DMTF1: variants seen among roughly 807,000 people sequenced by gnomAD.
DMTF1 encodes cyclin D binding myb like transcription factor 1.
In DMTF1, 39 loss-of-function variants were observed where a neutral mutation model predicts 91.1. The ratio of observed to expected loss-of-function variants is 0.43; its 90% CI spans 0.33 to 0.56. The LOEUF (loss-of-function observed/expected upper bound fraction) is 0.56. Among genes scored for constraint, DMTF1 ranks in the 20% least tolerant of loss-of-function variants. DMTF1 has a pLI of 0.05. For synonymous variants in DMTF1, 338 were observed against 309.5 expected, an observed-to-expected ratio of 1.09 and a Z score of -0.97; for missense variants, 750 against 914.5, an observed-to-expected ratio of 0.82 and a Z score of 2.32.
Position 87,194,020 on chromosome 7 carries a change from TCAGAA to T in DMTF1, c.1952_1956del (p.Thr651ArgfsTer5). The stretch of plus-strand genomic sequence containing the variant: ...ACAGAACTGATGAATAGTGTTATGG[TCAGAA>T]CAGAAGAAGAAATCTCTGACACCGA... On this transcript the variant is annotated frameshift_variant, in exon 16 of 18. Coordinates refer to ENST00000331242, the MANE Select transcript of DMTF1 (RefSeq NM_001142327.2). LOFTEE classifies it high-confidence loss of function. 6.2e-7 allele frequency: 1 copy of T among 1,613,168 alleles called. No homozygotes were observed. The highest frequency in any genetic ancestry group is 8.5e-7 in the Non-Finnish European group (1 of 1,179,540).
intron 1 of DMTF1, chr7:87,163,131 T>C (rs909866341): frequency 6.6e-6 from 1 of 152,010 alleles, no homozygotes; most frequent in African/African-American, 2.4e-5. Context: ...TAATAATATT[T>C]ATGGTGCTGT....
chr7:87,179,291 T>C (rs758171666), intron 7 of DMTF1, among the ~76,000 whole-genome samples: 1 of 152,260 alleles, frequency 6.6e-6, no homozygotes, highest in East Asian at 1.9e-4. Flanking sequence ...TTTTTAACTT[T>C]TTATAATTTT....
At position 87,185,775 on chromosome 7, in the gene DMTF1, G is replaced by C. The variant is rs973430828; in HGVS notation, c.1050-54G>C. ...GCAATTACCTGTAGTCAGAGGAGGGGTTCTTATAGAGAAATTAATTTAATG... is the reference window on the plus strand; with the variant it reads ...GCAATTACCTGTAGTCAGAGGAGGGCTTCTTATAGAGAAATTAATTTAATG... On this transcript the variant is annotated intron_variant, in intron 11 of 17. Transcript: ENST00000331242. 3.1e-6 allele frequency: 5 copies of C among 1,598,866 alleles called. No homozygotes were observed. The African/African-American group carries it at 6.7e-5, about 21-fold the overall frequency.
chr7:87,179,612 A>T lies in DMTF1; in HGVS notation c.587A>T (p.Tyr196Phe), dbSNP rs1225141270. ...EMSKDERKDF[Y>F]RTIAWGLNRP... The stretch of plus-strand genomic sequence containing the variant: ...TCAAAAGACGAAAGAAAAGATTTCT[A>T]CAGGACTATAGCATGGGGTCTGAAC... Residue 196 changes from tyrosine to phenylalanine, a missense_variant, in exon 8 of 18, where the codon TAC becomes TTC. Around this residue, in one of 3 missense-constraint regions of DMTF1, gnomAD observed 190 missense variants for 343.8 expected, o/e 0.55. Coordinates refer to ENST00000331242, the MANE Select transcript of DMTF1 (RefSeq NM_001142327.2). The T allele has an allele frequency of 6.4e-7, 1 of 1,573,532 alleles. No homozygotes were observed. The highest frequency in any genetic ancestry group is 8.6e-7 in the Non-Finnish European group (1 of 1,166,994).
At chr7:87,158,747 GTATTT>G (rs1465251436) in intron 1 of DMTF1, among the ~76,000 whole-genome samples, 1 of 151,944 alleles carries the variant, frequency 6.6e-6, no homozygotes, top group Non-Finnish European at 1.5e-5. Flanking sequence ...ACATTTCACT[GTATTT>G]CATTTTATAC....
At chr7:87,187,876 A>G (rs1798816731) in intron 12 of DMTF1, 1 of 555,868 alleles carries the variant, frequency 1.8e-6, no homozygotes. Context: ...AGATGGCAAG[A>G]ATAACAATAT....
At chr7:87,172,321 T>TA (rs1795257804) in intron 5 of DMTF1, among the ~76,000 whole-genome samples, 1 of 152,216 alleles carries the variant, frequency 6.6e-6, no homozygotes, top group Non-Finnish European at 1.5e-5. Context: ...CTATAAAACT[T>TA]ATTCACACTT....
In DMTF1 at chr7:87,194,720, C is replaced by G; in HGVS notation, c.2065C>G (p.Gln689Glu). ...TCCCACTATAGAAGAACAAGTTGAT[C>G]AAACAATTGATGATGAAACAATACT... ...ESPTIEEQVD[Q>E]TIDDETILIV... Residue 689 changes from glutamine (Q) to glutamate (E), a missense_variant, in exon 17 of 18, where the codon CAA (glutamine) becomes GAA (glutamate). Around this residue, in one of 3 missense-constraint regions of DMTF1, gnomAD observed 410 missense variants for 420.2 expected, o/e 0.98. Coordinates refer to ENST00000331242, the MANE Select transcript of DMTF1 (RefSeq NM_001142327.2). 1 of 1,610,400 alleles carries G rather than the reference C, an allele frequency of 6.2e-7. No individual in the cohort carries two copies. Among genetic ancestry groups the G allele is most frequent in the South Asian group, 1.1e-5 (1 of 90,920 alleles).
intron 11 of DMTF1, 60 bp downstream of exon 11, chr7:87,184,685 G>GA: frequency 6.8e-7 from 1 of 1,461,362 alleles, no homozygotes; most frequent in East Asian, 2.3e-5. Context: ...TGTCTTGATA[G>GA]ACTTTCCTCT....
chr7:87,164,417 T>A (rs1482331877), intron 2 of DMTF1: 1 of 152,228 alleles, frequency 6.6e-6, no homozygotes, highest in East Asian at 1.9e-4. Context: ...TGGTCAGTGA[T>A]GGATGTATGC....
At position 87,194,228 on chromosome 7, in the gene DMTF1, T is replaced by C. The variant is rs1800609558; in HGVS notation, c.2028+126T>C. 3.8e-6 allele frequency: 4 copies of C among 1,060,810 alleles called. No individual in the cohort carries two copies. The East Asian group carries it at 1.0e-4, about 27-fold the overall frequency. 65.7% of individuals were successfully genotyped at this position (1,060,810 alleles called of 1,614,324 possible). On this transcript the variant is annotated intron_variant, in intron 16 of 17. Coordinates refer to ENST00000331242, the MANE Select transcript of DMTF1 (RefSeq NM_001142327.2). ...ACCCCCAACCTCACACCTCACAAAGTGTTGTCACTGGCAGAAATGGGCAGG... is the reference window on the plus strand; with the variant it reads ...ACCCCCAACCTCACACCTCACAAAGCGTTGTCACTGGCAGAAATGGGCAGG...
rs994597740 is a variant in DMTF1, at chr7:87,153,645, G to T, written c.-132+1090G>T. On this transcript the variant is annotated intron_variant, in intron 1 of 17. Coordinates refer to ENST00000331242, the MANE Select transcript of DMTF1 (RefSeq NM_001142327.2). Reference sequence around the variant, plus strand: ...TTGTGTACCTCTTTTTAATGTACATGGATTTGATTATGTGTGCCTCCTTTC... The same window carrying T: ...TTGTGTACCTCTTTTTAATGTACATTGATTTGATTATGTGTGCCTCCTTTC... Among the ~76,000 whole-genome samples, 4 of 152,100 alleles carry T rather than the reference G, an allele frequency of 2.6e-5. No homozygotes were observed. In the South Asian group the frequency reaches 8.3e-4, roughly 31 times the overall value.
At chr7:87,159,014 TA>T (rs1398476238) in intron 1 of DMTF1, among the ~76,000 whole-genome samples, 7 of 152,270 alleles carry the variant, frequency 4.6e-5, no homozygotes, top group South Asian at 2.1e-4. Context: ...CCTGTTCTTT[TA>T]AAAAACAAGA....
At chr7:87,168,593 C>G (rs1160632753) in intron 4 of DMTF1, among the ~76,000 whole-genome samples, 1 of 152,190 alleles carries the variant, frequency 6.6e-6, no homozygotes, top group Non-Finnish European at 1.5e-5. Context: ...TAATCACTGT[C>G]TTGCATTCAC....
In DMTF1 at chr7:87,184,517, G is replaced by T. The variant is rs747796901; in HGVS notation, c.941G>T (p.Gly314Val). 22 of 1,614,012 alleles carry T rather than the reference G, an allele frequency of 1.4e-5. No homozygotes were observed. In the South Asian group the frequency reaches 2.2e-4, roughly 16 times the overall value. Residue 314 changes from glycine (G) to valine (V), a missense_variant, in exon 11 of 18, where the codon GGT becomes GTT. Physicochemically the swap from Gly to Val is moderately radical, Grantham distance 109. Coordinates refer to ENST00000331242, the MANE Select transcript of DMTF1 (RefSeq NM_001142327.2). Reference sequence around the variant, plus strand: ...TGGGCAGCTGTGGCTGAACGAGTCGGTACCCGCTCAGAAAAGCAATGTCGT... The same window carrying T: ...TGGGCAGCTGTGGCTGAACGAGTCGTTACCCGCTCAGAAAAGCAATGTCGT... ...VSWAAVAERV[G>V]TRSEKQCRSK...
chr7:87,174,667 A>G lies in DMTF1; in HGVS notation c.517A>G (p.Lys173Glu), dbSNP rs773607716. 6.3e-7 allele frequency: 1 copy of G among 1,599,514 alleles called. No homozygotes were observed. Among genetic ancestry groups the G allele is most frequent in the Admixed American group, 1.7e-5 (1 of 58,786 alleles). Reference sequence around the variant, plus strand: ...GATGAACAATATTGAACGCTATCTTAAGGTATCTTATGGCATATTTTTATG... The same window carrying G: ...GATGAACAATATTGAACGCTATCTTGAGGTATCTTATGGCATATTTTTATG... ...ILMNNIERYL[K>E]ARGIKDATEI... Residue 173 changes from lysine (K) to glutamate (E), a missense_variant and splice_region_variant, in exon 7 of 18, where the codon AAG (lysine) becomes GAG (glutamate). Lys to Glu is a moderately conservative substitution (Grantham distance 56). Around this residue, in one of 3 missense-constraint regions of DMTF1, gnomAD observed 190 missense variants for 343.8 expected, o/e 0.55. Transcript: ENST00000331242.
intron 1 of DMTF1, among the ~76,000 whole-genome samples, chr7:87,155,027 A>G (rs1790315008): frequency 6.6e-6 from 1 of 152,344 alleles, no homozygotes; most frequent in South Asian, 2.1e-4. Flanking sequence ...TCATTATTTT[A>G]AACAGTTGCC....
chr7:87,193,803 A>C lies in DMTF1; in HGVS notation c.1729A>C (p.Thr577Pro). The C allele has an allele frequency of 6.2e-7, 1 of 1,613,240 alleles. No homozygotes were observed. ...TPRVIIQTVA[T>P]EDITSSISQA... The stretch of plus-strand genomic sequence containing the variant: ...AAGAGTCATCATTCAGACTGTTGCC[A>C]CAGAGGACATCACTTCTTCCATATC... The change falls in exon 16 of 18, where the codon ACA becomes CCA. Residue 577 changes from threonine to proline, a missense_variant. This residue lies in a region of DMTF1 where 410 missense variants were observed against 420.2 expected (regional missense o/e 0.98). Transcript: ENST00000331242.
chr7:87,166,664 C>T, intron 4 of DMTF1, 59 bp downstream of exon 4: 1 of 1,550,816 alleles, frequency 6.4e-7, no homozygotes, highest in Non-Finnish European at 8.9e-7. Flanking sequence ...GTTTAGCTTC[C>T]AAGGCTTTCA....
Sources: gnomAD v4.1 joint callset for allele counts (sites outside exome capture counted in the v4.1 genomes callset) on GRCh38, gnomAD v4.1.1 for gene constraint, gnomAD v4.1.1 regional missense constraint, MANE v1.5 for transcripts, NCBI Gene and HGNC (gene_info 2026-07-23, HGNC 2026-07-21) for gene names.